Variants in TBC1D32 observed in about 807,000 individuals in gnomAD.
The protein encoded by TBC1D32 is TBC1 domain family member 32, also known as protein broad-minded.
TBC1D32 carries 151 observed loss-of-function variants against 170.3 expected under a neutral mutation model. That is an observed-to-expected ratio of 0.89 (90% confidence interval 0.78 to 1.01). TBC1D32 has a LOEUF of 1.01. TBC1D32 is among the 50% of genes least tolerant of loss of function. The probability of loss-of-function intolerance (pLI) is 0.00; values close to 1 mark genes in which losing one functional copy is unlikely to be tolerated. For missense variants in TBC1D32, 1,464 were observed against 1,457.1 expected (o/e 1.00, Z -0.08); for synonymous variants, 498 against 488.0 (o/e 1.02, Z -0.27).
intron 22 of TBC1D32, among the ~76,000 whole-genome samples, chr6:121,184,042 C>G (rs1012516372): frequency 2.0e-5 from 3 of 152,044 alleles, no homozygotes; most frequent in Non-Finnish European, 4.4e-5. Context: ...CAAAAGACAT[C>G]ATCAATATAA....
At chr6:121,089,812 C>G (rs555760543) in intron 31 of TBC1D32, among the ~76,000 whole-genome samples, 1 of 151,960 alleles carries the variant, frequency 6.6e-6, no homozygotes, top group African/African-American at 2.4e-5. Flanking sequence ...TACATAGAAA[C>G]TGTTTGTTGA....
chr6:121,308,887 A>G (rs1807757158), intron 4 of TBC1D32, among the ~76,000 whole-genome samples: 1 of 152,114 alleles, frequency 6.6e-6, no homozygotes, highest in Non-Finnish European at 1.5e-5. Flanking sequence ...AGAATGGAAC[A>G]AAGCTTTTCT....
At chr6:121,195,841 A>G (rs1790659208) in intron 22 of TBC1D32, among the ~76,000 whole-genome samples, 1 of 152,186 alleles carries the variant, frequency 6.6e-6, no homozygotes, top group Admixed American at 6.5e-5. Context: ...ACAGTGTTGA[A>G]GGGAAATCTT....
At chr6:121,234,950 G>A (rs1344600561) in intron 20 of TBC1D32, among the ~76,000 whole-genome samples, 1 of 152,178 alleles carries the variant, frequency 6.6e-6, no homozygotes, top group Non-Finnish European at 1.5e-5. Context: ...GGCTTCCTGA[G>A]AGCTGAACTA....
chr6:121,281,381 A>G (rs61582983), intron 14 of TBC1D32, among the ~76,000 whole-genome samples, 163 bp downstream of exon 14: 3 of 151,680 alleles, frequency 2.0e-5, no homozygotes, highest in African/African-American at 4.8e-5. Flanking sequence ...CAACTGCATA[A>G]GCTATAATTT....
Position 121,102,054 on chromosome 6 carries a change from G to A in TBC1D32, c.3465+3969C>T, listed in dbSNP as rs562534395. ...AAGAGATGTGAAGGACCTCGTCAAGGAGAACTACAAACCACTACTCAACGA... is the reference window on the plus strand; with the variant it reads ...AAGAGATGTGAAGGACCTCGTCAAGAAGAACTACAAACCACTACTCAACGA... On this transcript the variant is annotated intron_variant, in intron 30 of 31. Coordinates refer to ENST00000398212, the MANE Select transcript of TBC1D32 (RefSeq NM_152730.6). Among the ~76,000 whole-genome samples, 19 of 152,152 alleles carry A rather than the reference G, an allele frequency of 1.2e-4. No individual in the cohort carries two copies. In the East Asian group the frequency reaches 3.1e-3, roughly 25 times the overall value.
In TBC1D32 at chr6:121,212,391, A is replaced by G. The variant is rs368785137; in HGVS notation, c.2482-7228T>C. ...ACCTAACTCATTCTATGAGGCCAGC[A>G]TCATTCTGATAACAAAACCTGGCAG... On this transcript the variant is annotated intron_variant, in intron 21 of 31. Coordinates refer to ENST00000398212, the MANE Select transcript of TBC1D32 (RefSeq NM_152730.6). 5.9e-5 allele frequency among the ~76,000 whole-genome samples: 9 copies of G among 151,994 alleles called. No homozygotes were observed. The East Asian group carries it at 1.5e-3, about 26-fold the overall frequency.
At chr6:121,156,594 A>G (rs935533954) in intron 24 of TBC1D32, among the ~76,000 whole-genome samples, 1 of 151,750 alleles carries the variant, frequency 6.6e-6, no homozygotes, top group African/African-American at 2.4e-5. Context: ...CATTTCCTCT[A>G]GGTATGATGT....
chr6:121,328,309 G>T (rs34557291), intron 1 of TBC1D32, among the ~76,000 whole-genome samples: 1 of 150,466 alleles, frequency 6.6e-6, no homozygotes, highest in African/African-American at 2.4e-5. Flanking sequence ...TTTTTGTGAC[G>T]GAGTCTCGCT....
Position 121,283,915 on chromosome 6 carries a change from A to T in TBC1D32, c.1373-5T>A. ...GATCTATGAGGGATACCAAACCTTT[A>T]AAAAGAAAATAAAGAGAAAATTAAT... On this transcript the variant is annotated splice_polypyrimidine_tract_variant and splice_region_variant and intron_variant, in intron 12 of 31. Transcript: ENST00000398212. 3 of 1,570,704 alleles carry T rather than the reference A, an allele frequency of 1.9e-6. No individual in the cohort carries two copies. The highest frequency in any genetic ancestry group is 2.6e-6 in the Non-Finnish European group (3 of 1,149,368).
chr6:121,328,420 C>T (rs576590609), intron 1 of TBC1D32, among the ~76,000 whole-genome samples: 2 of 151,666 alleles, frequency 1.3e-5, no homozygotes, highest in Non-Finnish European at 2.9e-5. Context: ...CGAGTAGCGA[C>T]GACTACAGAT....
chr6:121,171,658 A>T (rs1301660110), intron 22 of TBC1D32, among the ~76,000 whole-genome samples: 1 of 152,182 alleles, frequency 6.6e-6, no homozygotes, highest in Non-Finnish European at 1.5e-5. Context: ...ACTTAAGAAA[A>T]AAATGTATGT....
At chr6:121,178,128 C>G (rs150877975) in intron 22 of TBC1D32, among the ~76,000 whole-genome samples, 47 of 152,288 alleles carry the variant, frequency 3.1e-4, no homozygotes, top group African/African-American at 1.0e-3. Flanking sequence ...CTCATAAGAA[C>G]TCACTATCTT....
At chr6:121,200,354 T>C (rs1791383554) in intron 22 of TBC1D32, among the ~76,000 whole-genome samples, 1 of 151,456 alleles carries the variant, frequency 6.6e-6, no homozygotes. Context: ...GTCAGTTTGA[T>C]ATAAAGAAAA....
chr6:121,279,833 C>A (rs1802743213), intron 14 of TBC1D32, among the ~76,000 whole-genome samples: 2 of 151,954 alleles, frequency 1.3e-5, no homozygotes, highest in African/African-American at 2.4e-5. Context: ...TATTACAAAG[C>A]AGCACAAAGC....
chr6:121,279,821 T>C (rs1041520338), intron 14 of TBC1D32, among the ~76,000 whole-genome samples: 2 of 151,978 alleles, frequency 1.3e-5, no homozygotes, highest in African/African-American at 4.8e-5. Context: ...CCTTTGCCAA[T>C]ATATTACAAA....
At chr6:121,300,909 C>T (rs1252122294) in intron 9 of TBC1D32, among the ~76,000 whole-genome samples, 1 of 152,118 alleles carries the variant, frequency 6.6e-6, no homozygotes, top group African/African-American at 2.4e-5. Flanking sequence ...CAAAAGAAGA[C>T]ATTTATGCAG....
intron 1 of TBC1D32, among the ~76,000 whole-genome samples, chr6:121,324,778 G>C (rs1049832717): frequency 1.3e-5 from 2 of 152,082 alleles, no homozygotes; most frequent in African/African-American, 4.8e-5. Context: ...AATCACACTG[G>C]TAAGAAAAAA....
At chr6:121,279,279 T>A (rs539328108) in intron 14 of TBC1D32, 34 bp from the exon 15 acceptor site, 2 of 1,593,416 alleles carry the variant, frequency 1.3e-6, no homozygotes, top group East Asian at 2.3e-5. Flanking sequence ...ACAAATCACA[T>A]AATTTTATGA....
Sources: gnomAD v4.1 joint callset for allele counts (sites outside exome capture counted in the v4.1 genomes callset) on GRCh38, gnomAD v4.1.1 for gene constraint, MANE v1.5 for transcripts, NCBI Gene and HGNC (gene_info 2026-07-23, HGNC 2026-07-21) for gene names.